The following DNAJC13 variants were observed in gnomAD, a reference collection of about 807,000 sequenced individuals.
The protein encoded by DNAJC13 is DnaJ heat shock protein family (Hsp40) member C13, also known as dnaJ homolog subfamily C member 13.
In DNAJC13, 75 loss-of-function variants were observed where a neutral mutation model predicts 290.5. The ratio of observed to expected loss-of-function variants is 0.26; its 90% CI spans 0.21 to 0.31. The LOEUF (loss-of-function observed/expected upper bound fraction) is 0.31. Among genes scored for constraint, DNAJC13 ranks in the 10% least tolerant of loss-of-function variants. The pLI, the probability that DNAJC13 is intolerant of heterozygous loss-of-function variation, is 1.00. For missense variants in DNAJC13, 2,260 were observed against 2,674.5 expected (o/e 0.85, Z 3.42); for synonymous variants, 862 against 892.0 (o/e 0.97, Z 0.60).
chr3:132,477,832 A>G lies in DNAJC13; in HGVS notation c.2489A>G (p.Tyr830Cys). ...GCAGAGGAAATTAAAATAGGAGACT[A>G]TTACCTGAGATTACTATTGGAGGAA... ...CLAEEIKIGDYYLRLLLEEDE... is the reference protein window; with the variant it reads ...CLAEEIKIGDCYLRLLLEEDE... The change falls in exon 23 of 56, where the codon TAT becomes TGT. Residue 830 changes from tyrosine to cysteine, a missense_variant. Physicochemically the swap from Tyr to Cys is radical, Grantham distance 194 (BLOSUM62 -2). Coordinates refer to ENST00000260818, the MANE Select transcript of DNAJC13 (RefSeq NM_015268.4). 4.3e-6 allele frequency: 7 copies of G among 1,613,288 alleles called. No individual in the cohort carries two copies. The highest frequency in any genetic ancestry group is 5.9e-6 in the Non-Finnish European group (7 of 1,179,722).
intron 50 of DNAJC13, 23 bp from the exon 51 acceptor site, chr3:132,523,517 T>G: frequency 6.2e-7 from 1 of 1,603,766 alleles, no homozygotes; most frequent in Non-Finnish European, 8.5e-7. Context: ...GTGACTTGAC[T>G]GTGGTTCTTT....
At chr3:132,423,273 T>C (rs1256674891) in intron 1 of DNAJC13, among the ~76,000 whole-genome samples, 1 of 152,240 alleles carries the variant, frequency 6.6e-6, no homozygotes. Context: ...AGGAAGACCC[T>C]GTCTCTTAAA....
At position 132,526,161 on chromosome 3, in the gene DNAJC13, A is replaced by T. The variant is rs774813965; in HGVS notation, c.6261A>T (p.Ala2087=). Residue 2087 remains alanine (A), a synonymous_variant, in exon 53 of 56, where the codon GCA becomes GCT. Coordinates refer to ENST00000260818, the MANE Select transcript of DNAJC13 (RefSeq NM_015268.4). ...CTTAGCTGTGTGTTCGAGCCATGGC[A>T]TCTTTAGAGACCATTGGCCCACTGA... ...SENELCVRAM[A]SLETIGPLMN... The T allele has an allele frequency of 6.2e-7, 1 of 1,614,088 alleles. No homozygotes were observed.
intron 1 of DNAJC13, among the ~76,000 whole-genome samples, chr3:132,423,164 G>T (rs909995193): frequency 6.6e-6 from 1 of 152,074 alleles, no homozygotes; most frequent in Non-Finnish European, 1.5e-5. Flanking sequence ...CTGTGGTGAC[G>T]TGTGCTCGGG....
intron 1 of DNAJC13, among the ~76,000 whole-genome samples, chr3:132,426,383 G>A (rs2107641736): frequency 1.3e-5 from 2 of 152,298 alleles, no homozygotes; most frequent in Non-Finnish European, 2.9e-5. Flanking sequence ...TTGAAATATG[G>A]AACACAATTG....
At chr3:132,424,566 C>T (rs1267672917) in intron 1 of DNAJC13, among the ~76,000 whole-genome samples, 1 of 152,024 alleles carries the variant, frequency 6.6e-6, no homozygotes, top group East Asian at 1.9e-4. Context: ...TGGTGGAGAT[C>T]TCATATTATT....
In DNAJC13 at chr3:132,522,818, C is replaced by T. The variant is rs779759077; in HGVS notation, c.5674-10C>T. 9.4e-6 allele frequency: 15 copies of T among 1,588,438 alleles called. No individual in the cohort carries two copies. The highest frequency in any genetic ancestry group is 3.4e-4 in the Middle Eastern group (2 of 5,948). On this transcript the variant is annotated splice_polypyrimidine_tract_variant and intron_variant, in intron 48 of 55. Coordinates refer to ENST00000260818, the MANE Select transcript of DNAJC13 (RefSeq NM_015268.4). Reference sequence around the variant, plus strand: ...AGGTGTCTTTTTCATTCTCAAACTTCCTCGTATAGGTTCGAATTACGTTAA... The same window carrying T: ...AGGTGTCTTTTTCATTCTCAAACTTTCTCGTATAGGTTCGAATTACGTTAA...
At chr3:132,499,093 T>C (rs1448426261) in intron 36 of DNAJC13, 33 bp from the exon 37 acceptor site, 36 of 1,505,930 alleles carry the variant, frequency 2.4e-5, no homozygotes, top group Non-Finnish European at 3.1e-5. Context: ...AATTTTGTTT[T>C]GTTTTTCTAA....
intron 33 of DNAJC13, 95 bp downstream of exon 33, chr3:132,492,710 A>T: frequency 9.7e-7 from 1 of 1,034,280 alleles, no homozygotes; most frequent in Non-Finnish European, 1.5e-6. Context: ...GATGGTTAAT[A>T]GCTTTCTTAA....
Position 132,525,783 on chromosome 3 carries a change from A to C in DNAJC13, c.6234A>C (p.Glu2078Asp). The C allele has an allele frequency of 6.2e-7, 1 of 1,613,968 alleles. No individual in the cohort carries two copies. Among genetic ancestry groups the C allele is most frequent in the Non-Finnish European group, 8.5e-7 (1 of 1,179,916 alleles). ...SAIRVIHALS[E>D]NELCVRAMAS... ...TTCGGGTTATCCATGCCTTGTCTGA[A>C]AATGAGGTATTGATGAATACACTTA... Residue 2078 changes from glutamate to aspartate, a missense_variant, in exon 52 of 56, where the codon GAA becomes GAC. By Grantham distance (45) the Glu-to-Asp change is conservative (BLOSUM62 2). Coordinates refer to ENST00000260818, the MANE Select transcript of DNAJC13 (RefSeq NM_015268.4).
chr3:132,464,723 T>C (rs999383823), intron 17 of DNAJC13, among the ~76,000 whole-genome samples: 2 of 152,188 alleles, frequency 1.3e-5, no homozygotes, highest in Non-Finnish European at 2.9e-5. Flanking sequence ...TATTGTCTTA[T>C]TAGCAGTGCT....
intron 14 of DNAJC13, 132 bp from the exon 15 acceptor site, chr3:132,460,918 C>T (rs914330061): frequency 3.1e-5 from 26 of 835,018 alleles, no homozygotes; most frequent in Non-Finnish European, 4.6e-5. Flanking sequence ...AACTTTGAAC[C>T]TCATGTTGAG....
At chr3:132,527,889 CTA>C (rs1936307710) in intron 53 of DNAJC13, among the ~76,000 whole-genome samples, 1 of 152,140 alleles carries the variant, frequency 6.6e-6, no homozygotes, top group South Asian at 2.1e-4. Flanking sequence ...AGCTCAGGTT[CTA>C]TGTTTTCTGG....
intron 17 of DNAJC13, among the ~76,000 whole-genome samples, chr3:132,465,699 G>GC (rs1553745304): frequency 6.6e-6 from 1 of 151,320 alleles, no homozygotes. Flanking sequence ...TGTTTTTGTT[G>GC]TTTTTTTTCT....
Position 132,491,060 on chromosome 3 carries a change from C to G in DNAJC13, c.3623+9C>G. Reference sequence around the variant, plus strand: ...TGGAGCAGTGAAATGAGGTAAATAACCAGTTGACTGATTGATTTGTATTTT... The same window carrying G: ...TGGAGCAGTGAAATGAGGTAAATAAGCAGTTGACTGATTGATTTGTATTTT... On this transcript the variant is annotated intron_variant, in intron 32 of 55. Transcript: ENST00000260818. 6.3e-7 allele frequency: 1 copy of G among 1,584,154 alleles called. No individual in the cohort carries two copies. Among genetic ancestry groups the G allele is most frequent in the Non-Finnish European group, 8.6e-7 (1 of 1,168,746 alleles).
intron 29 of DNAJC13, among the ~76,000 whole-genome samples, chr3:132,487,069 T>C (rs1934901984): frequency 6.6e-6 from 1 of 152,110 alleles, no homozygotes; most frequent in Admixed American, 6.6e-5. Flanking sequence ...TGTTTCCTTT[T>C]TAAAATATGT....
At chr3:132,431,545 G>A (rs1348735312) in intron 1 of DNAJC13, among the ~76,000 whole-genome samples, 1 of 152,042 alleles carries the variant, frequency 6.6e-6, no homozygotes, top group African/African-American at 2.4e-5. Context: ...AAAGGCTCTC[G>A]ATAATTGGTA....
intron 9 of DNAJC13, among the ~76,000 whole-genome samples, chr3:132,454,887 C>T (rs1386302195): frequency 6.6e-6 from 1 of 152,064 alleles, no homozygotes; most frequent in Non-Finnish European, 1.5e-5. Flanking sequence ...TTTGTCCTGA[C>T]AGTAGCCGTA....
chr3:132,452,173 T>C (rs577037566), intron 6 of DNAJC13, among the ~76,000 whole-genome samples: 15 of 152,214 alleles, frequency 9.9e-5, no homozygotes, highest in Non-Finnish European at 1.9e-4. Flanking sequence ...TAAAATGGAA[T>C]AATAAGGTAA....
Sources: gnomAD v4.1 joint callset for allele counts (sites outside exome capture counted in the v4.1 genomes callset) on GRCh38, gnomAD v4.1.1 for gene constraint, MANE v1.5 for transcripts, NCBI Gene and HGNC (gene_info 2026-07-23, HGNC 2026-07-21) for gene names.